The following PDZD7 variants were observed in gnomAD, a reference collection of about 807,000 sequenced individuals.
PDZD7 encodes the protein PDZ domain-containing protein 7.
In PDZD7, 72 loss-of-function variants were observed where a neutral mutation model predicts 84.7. The observed-to-expected ratio is 0.85, with a 90% confidence interval of 0.70 to 1.03. PDZD7 has a LOEUF of 1.03. Ranked by LOEUF, PDZD7 falls within the 50% of genes least tolerant of loss-of-function variation. PDZD7 has a pLI of 0.00. For synonymous variants in PDZD7, 594 were observed against 580.7 expected, an observed-to-expected ratio of 1.02 and a Z score of -0.33; for missense variants, 1,490 against 1,412.9, an observed-to-expected ratio of 1.05 and a Z score of -0.87.
At position 101,015,592 on chromosome 10, in the gene PDZD7, CT is replaced by C. The variant is rs34125357; in HGVS notation, c.1749+43del. On this transcript the variant is annotated intron_variant, in intron 11 of 16. Coordinates refer to ENST00000619208, the MANE Select transcript of PDZD7 (RefSeq NM_001195263.2). Reference sequence around the variant, plus strand: ...CCTGAATGAATGATGGGCTGGGTGACTGAAGGACCGTGTGCCAGGGCTGCGG... The same window carrying C: ...CCTGAATGAATGATGGGCTGGGTGACGAAGGACCGTGTGCCAGGGCTGCGG... 752,693 of 1,527,374 alleles carry C rather than the reference CT, an allele frequency of 0.49. 201,818 individuals carry two copies. The highest frequency in any genetic ancestry group is 0.56 in the Non-Finnish European group (634,280 of 1,131,014). The allele number at this position is 1,527,374 out of a possible 1,614,324, so 94.6% of individuals were successfully genotyped here.
intron 2 of PDZD7, among the ~76,000 whole-genome samples, chr10:101,025,550 A>ATTT (rs1482445992): frequency 6.7e-6 from 1 of 148,228 alleles, no homozygotes; most frequent in South Asian, 2.1e-4. Flanking sequence ...TTATTTATTT[A>ATTT]TTTATTTATT....
chr10:101,030,325 G>T lies in PDZD7; in HGVS notation c.-106C>A. The T allele has an allele frequency of 1.0e-6, 1 of 996,370 alleles. No individual in the cohort carries two copies. Among genetic ancestry groups the T allele is most frequent in the Non-Finnish European group, 1.5e-6 (1 of 653,744 alleles). 61.7% of individuals were successfully genotyped at this position (996,370 alleles called of 1,614,324 possible). A position where few individuals can be genotyped will look rare whatever the true frequency, so the allele number is the denominator to read the frequency against. ...CTCCATGAGCCTCTGTGCGGGGCTG[G>T]GGTCTCAGTAACGTGAAGGCCCTCG... On this transcript the variant is annotated 5_prime_UTR_variant, in exon 2 of 17. Coordinates refer to ENST00000619208, the MANE Select transcript of PDZD7 (RefSeq NM_001195263.2).
intron 16 of PDZD7, among the ~76,000 whole-genome samples, 173 bp from the exon 17 acceptor site, chr10:101,009,023 G>T (rs1277485783): frequency 6.6e-6 from 1 of 152,134 alleles, no homozygotes; most frequent in Non-Finnish European, 1.5e-5. Flanking sequence ...GCAGGGTGGG[G>T]CACAGACAAG....
rs1396260109 is a variant in PDZD7 at position 101,015,718 on chromosome 10, C to T, written c.1667G>A (p.Ser556Asn). 6.5e-7 allele frequency: 1 copy of T among 1,550,186 alleles called. No individual in the cohort carries two copies. Among genetic ancestry groups the T allele is most frequent in the East Asian group, 2.4e-5 (1 of 40,922 alleles). The change falls in exon 11 of 17, where the codon AGC (serine) becomes AAC (asparagine). Residue 556 changes from serine (S) to asparagine (N), a missense_variant. By Grantham distance (46) the Ser-to-Asn change is conservative (BLOSUM62 1). Transcript: ENST00000619208. Reference sequence around the variant, plus strand: ...CAGGTCCTGAATGAGGGGCCGCCGGCTCTCCCAGGCCTGAACCTGCTCATC... The same window carrying T: ...CAGGTCCTGAATGAGGGGCCGCCGGTTCTCCCAGGCCTGAACCTGCTCATC... ...NVDEQVQAWE[S>N]RRPLIQDLAQ...
intron 5 of PDZD7, 92 bp from the exon 6 acceptor site, chr10:101,022,037 C>A: frequency 1.9e-6 from 3 of 1,570,194 alleles, no homozygotes; most frequent in Middle Eastern, 1.8e-4. Context: ...AAGACTGCAC[C>A]AGTCAAGGTC....
At chr10:101,019,581 TC>T (rs1852952764) in intron 7 of PDZD7, among the ~76,000 whole-genome samples, 2 of 123,346 alleles carry the variant, frequency 1.6e-5, no homozygotes, top group Non-Finnish European at 1.8e-5. Flanking sequence ...CTCCTCCTCC[TC>T]CTCCTCTTCT....
chr10:101,021,789 T>C lies in PDZD7; in HGVS notation c.867+9A>G. 6.2e-7 allele frequency: 1 copy of C among 1,614,172 alleles called. No homozygotes were observed. The highest frequency in any genetic ancestry group is 8.5e-7 in the Non-Finnish European group (1 of 1,180,018). On this transcript the variant is annotated intron_variant, in intron 6 of 16. Transcript: ENST00000619208. ...CCTCACCTCTCCCTACCCCCACTGT[T>C]CTGCCCACCTTGATGGTCAGCATGA...
rs375203319 is a variant in PDZD7 at position 101,022,394 on chromosome 10, C to T, written c.543-9G>A. ...GATTCACCACATCCACCCTGGACAA[C>T]AGCAGGGGGCCCTCAGGTGGGGTCC... On this transcript the variant is annotated splice_polypyrimidine_tract_variant and intron_variant, in intron 4 of 16. Transcript: ENST00000619208. 5 of 1,613,836 alleles carry T rather than the reference C, an allele frequency of 3.1e-6. No individual in the cohort carries two copies. Among genetic ancestry groups the T allele is most frequent in the South Asian group, 2.2e-5 (2 of 91,074 alleles).
chr10:101,011,841 T>C (rs1852403801), intron 13 of PDZD7, 80 bp from the exon 14 acceptor site: 1 of 1,549,876 alleles, frequency 6.5e-7, no homozygotes, highest in Non-Finnish European at 8.7e-7. Context: ...GGCTCGGCAA[T>C]CTCTGCAGCC....
intron 9 of PDZD7, 125 bp from the exon 10 acceptor site, chr10:101,016,552 A>T: frequency 9.9e-7 from 1 of 1,014,616 alleles, no homozygotes; most frequent in Non-Finnish European, 1.5e-6. Context: ...GGGAGGCAAG[A>T]GGCCTGGCCC....
Position 101,020,600 on chromosome 10 carries a change from GA to G in PDZD7, c.928+17del, listed in dbSNP as rs754846293. The G allele has an allele frequency of 1.9e-6, 3 of 1,584,856 alleles. No homozygotes were observed. The African/African-American group carries it at 4.1e-5, about 22-fold the overall frequency. ...CTCAGCCCTTTCCCTCCAACCTTGG[GA>G]GATCTGAGCCACTTACGTCGGTCCA... On this transcript the variant is annotated intron_variant, in intron 7 of 16. Transcript: ENST00000619208.
chr10:101,022,103 G>C (rs1428647530), intron 5 of PDZD7, 106 bp downstream of exon 5: 2 of 1,562,370 alleles, frequency 1.3e-6, no homozygotes, highest in African/African-American at 1.4e-5. Flanking sequence ...TGAGACAGGT[G>C]GTTGGCCAGG....
chr10:101,017,028 C>T (rs1380795130), intron 9 of PDZD7, among the ~76,000 whole-genome samples: 4 of 152,176 alleles, frequency 2.6e-5, no homozygotes, highest in East Asian at 1.9e-4. Context: ...CCCTGATTTT[C>T]CCCTGGGGAC....
At chr10:101,019,729 G>A (rs950098446) in intron 7 of PDZD7, among the ~76,000 whole-genome samples, 6 of 150,926 alleles carry the variant, frequency 4.0e-5, no homozygotes, top group Non-Finnish European at 5.9e-5. Flanking sequence ...GAGTTCAAGC[G>A]ATTCTTGTGC....
At position 101,030,606 on chromosome 10, in the gene PDZD7, C is replaced by A. The variant is rs1465374450; in HGVS notation, c.-165-222G>T. 3.3e-5 allele frequency: 13 copies of A among 394,042 alleles called. 1 individual carries two copies. Among genetic ancestry groups the A allele is most frequent in the South Asian group, 2.6e-4 (12 of 46,606 alleles). The allele number at this position is 394,042 out of a possible 1,614,324, so 24.4% of individuals were successfully genotyped here. ...GAACCTTTCACCCCTCATTCCTGCT[C>A]GGGGCTGAGTCATCTACTCCCGTCC... On this transcript the variant is annotated intron_variant, in intron 1 of 16. Transcript: ENST00000619208.
At chr10:101,016,517 A>G (rs772294329) in intron 9 of PDZD7, 90 bp from the exon 10 acceptor site, 165 of 1,376,678 alleles carry the variant, frequency 1.2e-4, no homozygotes, top group Non-Finnish European at 1.5e-4. Flanking sequence ...GGAATGGAGA[A>G]TTCAGACTGG....
At position 101,010,318 on chromosome 10, in the gene PDZD7, A is replaced by T; in HGVS notation, c.2571T>A (p.Ser857Arg). 1 of 1,536,086 alleles carries T rather than the reference A, an allele frequency of 6.5e-7. No individual in the cohort carries two copies. The highest frequency in any genetic ancestry group is 8.7e-7 in the Non-Finnish European group (1 of 1,146,736). Residue 857 changes from serine to arginine, a missense_variant, in exon 15 of 17, where the codon AGT (serine) becomes AGA (arginine). By Grantham distance (110) the Ser-to-Arg change is moderately radical. Coordinates refer to ENST00000619208, the MANE Select transcript of PDZD7 (RefSeq NM_001195263.2). ...TAKEAAMKNP[S>R]GELKTVTLSK... ...ACAGTGTCACTGTCTTCAGCTCGCC[A>T]CTGGGGTTCTTCATGGCTGCCTCCT...
In PDZD7 at chr10:101,022,476, G is replaced by A. The variant is rs1361829329; in HGVS notation, c.543-91C>T. 10 of 1,534,292 alleles carry A rather than the reference G, an allele frequency of 6.5e-6. No homozygotes were observed. The South Asian group carries it at 8.0e-5, about 12-fold the overall frequency. ...AGTTCTGACAACTGCAGGGAAAGTG[G>A]GGGTTGCCTTTGGGGGACTCCCCAG... is the stretch of plus-strand genomic sequence containing the variant. On this transcript the variant is annotated intron_variant, in intron 4 of 16. Coordinates refer to ENST00000619208, the MANE Select transcript of PDZD7 (RefSeq NM_001195263.2).
At chr10:101,019,610 CTCT>C (rs1245626860) in intron 7 of PDZD7, among the ~76,000 whole-genome samples, 1 of 130,340 alleles carries the variant, frequency 7.7e-6, no homozygotes, top group Non-Finnish European at 1.7e-5. Flanking sequence ...CTTCTTCCTC[CTCT>C]TCTTCTTTCT....
Sources: allele counts gnomAD v4.1 joint callset (sites outside exome capture counted in the v4.1 genomes callset), GRCh38; gene constraint gnomAD v4.1.1; transcripts MANE v1.5; gene names NCBI Gene and HGNC (gene_info 2026-07-23, HGNC 2026-07-21).